Variants in WDFY4 observed in about 807,000 individuals in gnomAD.
WDFY4 encodes WD repeat- and FYVE domain-containing protein 4.
A neutral mutation model predicts 351.9 loss-of-function variants in WDFY4; 169 were observed. That is an observed-to-expected ratio of 0.48 (90% confidence interval 0.42 to 0.55). The LOEUF (loss-of-function observed/expected upper bound fraction) is 0.55. WDFY4 is among the 20% of genes least tolerant of loss of function. WDFY4 has a pLI of 0.00. For synonymous variants in WDFY4, 1,622 were observed against 1,574.6 expected, an observed-to-expected ratio of 1.03 and a Z score of -0.71; for missense variants, 3,803 against 3,935.6, an observed-to-expected ratio of 0.97 and a Z score of 0.90.
At chr10:48,920,032 G>C (rs1423454356) in intron 47 of WDFY4, among the ~76,000 whole-genome samples, 1 of 151,780 alleles carries the variant, frequency 6.6e-6, no homozygotes, top group Non-Finnish European at 1.5e-5. Flanking sequence ...ATTGAATCCA[G>C]TAACAAGTAA....
intron 12 of WDFY4, among the ~76,000 whole-genome samples, chr10:48,749,849 C>G (rs531430749): frequency 3.2e-4 from 48 of 152,324 alleles, no homozygotes; most frequent in African/African-American, 9.1e-4. Flanking sequence ...TTGCTTCTGC[C>G]TTAGCATATG....
intron 47 of WDFY4, among the ~76,000 whole-genome samples, chr10:48,905,134 A>G (rs1268291436): frequency 3.9e-5 from 6 of 152,210 alleles, no homozygotes; most frequent in Non-Finnish European, 5.9e-5. Flanking sequence ...AGCTGTCCCT[A>G]TGACTGTGGG....
intron 40 of WDFY4, 68 bp from the exon 41 acceptor site, chr10:48,873,423 G>A (rs180822053): frequency 1.4e-5 from 21 of 1,459,444 alleles, no homozygotes; most frequent in Non-Finnish European, 8.2e-6. Context: ...ACCCCAGGAG[G>A]TTTGGGGCCA....
In WDFY4 at chr10:48,800,715, T is replaced by A. The variant is rs142817109; in HGVS notation, c.4411-2571T>A. Among the ~76,000 whole-genome samples, 861 of 111,176 alleles carry A rather than the reference T, an allele frequency of 7.7e-3. 7 individuals are homozygous for A. Among genetic ancestry groups the A allele is most frequent in the African/African-American group, 0.016 (443 of 28,082 alleles). The allele number at this position is 111,176 out of a possible 152,430, so 72.9% of individuals were successfully genotyped here. On this transcript the variant is annotated intron_variant, in intron 24 of 61. Transcript: ENST00000325239. ...CTTTCTTTCTTTCTTTCTTTCTTTCTTTCTTTCATTCTTTCTTTTTTTTTT... is the reference window on the plus strand; with the variant it reads ...CTTTCTTTCTTTCTTTCTTTCTTTCATTCTTTCATTCTTTCTTTTTTTTTT...
At chr10:48,810,223 G>A (rs1341242359) in intron 28 of WDFY4, among the ~76,000 whole-genome samples, 4 of 152,156 alleles carry the variant, frequency 2.6e-5, no homozygotes, top group Non-Finnish European at 5.9e-5. Flanking sequence ...GTGTAAGTAT[G>A]AATAGTAGTT....
chr10:48,841,216 C>G (rs2068593271), intron 39 of WDFY4, among the ~76,000 whole-genome samples: 1 of 152,198 alleles, frequency 6.6e-6, no homozygotes, highest in African/African-American at 2.4e-5. Flanking sequence ...TTGGGCTGTT[C>G]AGCTCTTGAG....
intron 47 of WDFY4, among the ~76,000 whole-genome samples, chr10:48,920,432 G>T (rs1397483831): frequency 6.6e-6 from 1 of 151,954 alleles, no homozygotes; most frequent in Admixed American, 6.6e-5. Flanking sequence ...CGAATTAATG[G>T]GTGCAGCACA....
chr10:48,969,924 C>G (rs1430113606), intron 56 of WDFY4, among the ~76,000 whole-genome samples: 1 of 152,218 alleles, frequency 6.6e-6, no homozygotes, highest in African/African-American at 2.4e-5. Context: ...GCATCCCTCA[C>G]TTGTTTCTTC....
At chr10:48,813,109 A>G (rs538348614) in intron 30 of WDFY4, among the ~76,000 whole-genome samples, 24 of 152,296 alleles carry the variant, frequency 1.6e-4, no homozygotes, top group Middle Eastern at 6.8e-3. Flanking sequence ...CTTTCACTCA[A>G]CTTCCTGGAA....
At chr10:48,706,175 A>C (rs773489943) in intron 1 of WDFY4, among the ~76,000 whole-genome samples, 41 of 152,246 alleles carry the variant, frequency 2.7e-4, no homozygotes, top group Non-Finnish European at 5.6e-4. Context: ...ATCAGCACGT[A>C]GGTTAATTCG....
At chr10:48,737,851 TTC>T (rs2064722752) in intron 11 of WDFY4, among the ~76,000 whole-genome samples, 3 of 152,324 alleles carry the variant, frequency 2.0e-5, no homozygotes, top group Admixed American at 1.3e-4. Flanking sequence ...TTACCTTAGA[TTC>T]ATGTGGTCCA....
intron 1 of WDFY4, among the ~76,000 whole-genome samples, chr10:48,686,219 G>A (rs762779481): frequency 2.0e-5 from 3 of 150,342 alleles, no homozygotes; most frequent in African/African-American, 7.4e-5. Context: ...AGTGGTTCAC[G>A]CCTGTAATCT....
At chr10:48,852,943 T>A (rs2069007376) in intron 39 of WDFY4, among the ~76,000 whole-genome samples, 1 of 152,190 alleles carries the variant, frequency 6.6e-6, no homozygotes, top group Non-Finnish European at 1.5e-5. Context: ...AATCTCTAAT[T>A]GACCCATTGT....
intron 24 of WDFY4, chr10:48,801,514 T>G (rs1375954993): frequency 8.8e-6 from 4 of 456,762 alleles, no homozygotes; most frequent in Admixed American, 7.0e-5. Context: ...GACATGTATG[T>G]TGGGGTGCCA....
intron 43 of WDFY4, among the ~76,000 whole-genome samples, chr10:48,881,724 G>A (rs2070256194): frequency 6.6e-6 from 1 of 152,154 alleles, no homozygotes; most frequent in Admixed American, 6.5e-5. Context: ...GTCCTGGCTG[G>A]CTGGTGGGAC....
Position 48,941,790 on chromosome 10 carries a change from G to A in WDFY4, c.7587-16G>A. 3 of 1,551,782 alleles carry A rather than the reference G, an allele frequency of 1.9e-6. No individual in the cohort carries two copies. The highest frequency in any genetic ancestry group is 2.6e-6 in the Non-Finnish European group (3 of 1,146,890). On this transcript the variant is annotated splice_polypyrimidine_tract_variant and intron_variant, in intron 47 of 61. Transcript: ENST00000325239. ...CTTGGTATATTTAGTCACCACCTTG[G>A]TTTTCTGTCCCACAGGAGATACCCC...
At chr10:48,809,938 T>C (rs1262814626) in intron 28 of WDFY4, among the ~76,000 whole-genome samples, 1 of 152,238 alleles carries the variant, frequency 6.6e-6, no homozygotes, top group Non-Finnish European at 1.5e-5. Flanking sequence ...CCCAGTGTCT[T>C]TGGCCAACCC....
chr10:48,781,282 G>T (rs1198790321), intron 19 of WDFY4, among the ~76,000 whole-genome samples: 1 of 151,860 alleles, frequency 6.6e-6, no homozygotes, highest in East Asian at 1.9e-4. Flanking sequence ...ATATATATGT[G>T]TGTGTGTGTG....
rs1366364791 is a variant in WDFY4 at position 48,822,632 on chromosome 10, C to T, written c.5982+95C>T. ...GTTCCACTGGATCTGCCCTCCCTCCCTGGAGTAGAATCTGAGCCAGGTGGG... is the reference window on the plus strand; with the variant it reads ...GTTCCACTGGATCTGCCCTCCCTCCTTGGAGTAGAATCTGAGCCAGGTGGG... On this transcript the variant is annotated intron_variant, in intron 35 of 61. Transcript: ENST00000325239. 6 of 1,342,516 alleles carry T rather than the reference C, an allele frequency of 4.5e-6. No homozygotes were observed. The African/African-American group carries it at 8.9e-5, about 20-fold the overall frequency. The allele number at this position is 1,342,516 out of a possible 1,614,324, so 83.2% of individuals were successfully genotyped here.
Sources: gnomAD v4.1 joint callset for allele counts (sites outside exome capture counted in the v4.1 genomes callset) on GRCh38, gnomAD v4.1.1 for gene constraint, MANE v1.5 for transcripts, NCBI Gene and HGNC (gene_info 2026-07-23, HGNC 2026-07-21) for gene names.